ZNF618: variants seen among roughly 807,000 people sequenced by gnomAD.
The protein encoded by ZNF618 is neural precursor cell expressed, developmentally down-regulated 10.
Under a neutral mutation model 103.0 loss-of-function variants are expected in ZNF618, and 34 were observed. That is an observed-to-expected ratio of 0.33 (90% CI 0.25 to 0.44). The LOEUF (loss-of-function observed/expected upper bound fraction) is 0.44, where lower values mean the gene tolerates loss of function less well. ZNF618 is among the 20% of genes least tolerant of loss of function. ZNF618 has a pLI of 1.00. For synonymous variants in ZNF618, 551 were observed against 542.2 expected (o/e 1.02, Z -0.23); for missense variants, 1,059 against 1,295.4 (o/e 0.82, Z 2.80).
intron 13 of ZNF618, 99 bp from the exon 14 acceptor site, chr9:114,047,794 C>A (rs1459656773): frequency 5.0e-6 from 5 of 1,003,686 alleles, no homozygotes; most frequent in Non-Finnish European, 6.0e-6. Context: ...GTCCCAATGG[C>A]CACATTCTGC....
intron 1 of ZNF618, among the ~76,000 whole-genome samples, chr9:113,935,808 T>C (rs1177742582): frequency 6.6e-6 from 1 of 152,188 alleles, no homozygotes; most frequent in African/African-American, 2.4e-5. Flanking sequence ...GCGAAAGTTT[T>C]GAGTGGATCA....
intron 1 of ZNF618, among the ~76,000 whole-genome samples, chr9:113,968,184 A>G (rs1837599244): frequency 6.6e-6 from 1 of 152,182 alleles, no homozygotes; most frequent in Admixed American, 6.5e-5. Context: ...CGTTTATCCT[A>G]TGTAGGGTTA....
At chr9:113,877,651 G>T (rs1316569408) in intron 1 of ZNF618, among the ~76,000 whole-genome samples, 1 of 151,244 alleles carries the variant, frequency 6.6e-6, no homozygotes, top group East Asian at 1.9e-4. Flanking sequence ...GTTGGGTTTT[G>T]TGTGTGTGTG....
chr9:114,041,211 G>T (rs1845149456), intron 13 of ZNF618, among the ~76,000 whole-genome samples: 2 of 150,540 alleles, frequency 1.3e-5, no homozygotes, highest in South Asian at 4.2e-4. Context: ...TGAGTTCTTT[G>T]TAGATTCTGG....
chr9:113,969,079 G>A, intron 1 of ZNF618, 38 bp from the exon 2 acceptor site: 1 of 1,613,522 alleles, frequency 6.2e-7, no homozygotes, highest in Non-Finnish European at 8.5e-7. Context: ...TGCATCTTCT[G>A]CCTTGGCTGA....
chr9:114,006,760 G>A (rs968809135), intron 6 of ZNF618, among the ~76,000 whole-genome samples: 1 of 152,144 alleles, frequency 6.6e-6, no homozygotes, highest in African/African-American at 2.4e-5. Flanking sequence ...GCTCAACTGG[G>A]GAAAGAACTG....
In ZNF618 at chr9:113,951,562, T is replaced by C. The variant is rs1425459438; in HGVS notation, c.34-17555T>C. Among the ~76,000 whole-genome samples, 4 of 43,628 alleles carry C rather than the reference T, an allele frequency of 9.2e-5. 1 individual carries two copies. The highest frequency in any genetic ancestry group is 2.2e-4 in the Non-Finnish European group (4 of 18,450). 28.6% of individuals were successfully genotyped at this position (43,628 alleles called of 152,430 possible). ...ACATATGTACACATATGTGTGTGTATATGTGTGTGTGTATATGTGTGTGTG... is the reference window on the plus strand; with the variant it reads ...ACATATGTACACATATGTGTGTGTACATGTGTGTGTGTATATGTGTGTGTG... On this transcript the variant is annotated intron_variant, in intron 1 of 14. Transcript: ENST00000374126.
Position 114,009,671 on chromosome 9 carries a change from T to C in ZNF618, c.754+1117T>C, listed in dbSNP as rs183734082. ...GGTCTCTGCTTCCTTCCAATAAGGATCTAAGGCAGCTTGTAAAAATATACA... is the reference window on the plus strand; with the variant it reads ...GGTCTCTGCTTCCTTCCAATAAGGACCTAAGGCAGCTTGTAAAAATATACA... On this transcript the variant is annotated intron_variant, in intron 9 of 14. Transcript: ENST00000374126. Among the ~76,000 whole-genome samples the C allele has an allele frequency of 3.5e-3, 525 of 152,150 alleles. 2 individuals are homozygous for C. The highest frequency in any genetic ancestry group is 8.9e-3 in the South Asian group (43 of 4,812).
At chr9:113,975,710 G>T (rs1838406155) in intron 2 of ZNF618, among the ~76,000 whole-genome samples, 1 of 152,138 alleles carries the variant, frequency 6.6e-6, no homozygotes, top group Non-Finnish European at 1.5e-5. Context: ...AGATACTTCT[G>T]GCCCTGAGTG....
chr9:113,879,834 G>A lies in ZNF618; in HGVS notation c.33+3421G>A, dbSNP rs1195375884. Among the ~76,000 whole-genome samples the A allele has an allele frequency of 2.7e-5, 4 of 150,486 alleles. No individual in the cohort carries two copies. In the East Asian group the frequency reaches 7.8e-4, roughly 29 times the overall value. On this transcript the variant is annotated intron_variant, in intron 1 of 14. Coordinates refer to ENST00000374126, the MANE Select transcript of ZNF618 (RefSeq NM_001318042.2). ...ACAAGGTTTGAAATTTCAAGGGCCT[G>A]CTTTATAGTTTGACTTTGGAGCAAG...
intron 1 of ZNF618, among the ~76,000 whole-genome samples, chr9:113,937,178 C>T (rs753322923): frequency 1.4e-4 from 22 of 152,146 alleles, no homozygotes; most frequent in Non-Finnish European, 2.6e-4. Flanking sequence ...TAAGAATACC[C>T]ACCTGCCCTT....
chr9:113,957,361 A>G (rs4979307), intron 1 of ZNF618, among the ~76,000 whole-genome samples: 88,779 of 151,940 alleles, frequency 0.58, 26,199 homozygotes, highest in East Asian at 0.68. Context: ...GACAGGATGT[A>G]TCGAGCTACT....
chr9:113,920,663 A>G lies in ZNF618; in HGVS notation c.33+44250A>G, dbSNP rs1273179546. 7.2e-5 allele frequency among the ~76,000 whole-genome samples: 11 copies of G among 152,048 alleles called. No individual in the cohort carries two copies. The East Asian group carries it at 2.1e-3, about 29-fold the overall frequency. ...CTGATCTGCCTGCCTTGGCCTCCCA[A>G]AGTGTTGAGATTACAGGCATGAGCC... On this transcript the variant is annotated intron_variant, in intron 1 of 14. Transcript: ENST00000374126.
intron 13 of ZNF618, among the ~76,000 whole-genome samples, chr9:114,039,984 T>C (rs1388826353): frequency 6.6e-6 from 1 of 151,020 alleles, no homozygotes; most frequent in Non-Finnish European, 1.5e-5. Context: ...GGAAACCTTA[T>C]TTTCATCTCA....
intron 10 of ZNF618, among the ~76,000 whole-genome samples, chr9:114,023,164 T>C (rs932019737): frequency 6.6e-6 from 1 of 152,074 alleles, no homozygotes; most frequent in Non-Finnish European, 1.5e-5. Flanking sequence ...GTTTACTATC[T>C]TGCATTTTTT....
At chr9:113,992,611 C>CCGGGCTCAGAGA (rs1840182333) in intron 3 of ZNF618, among the ~76,000 whole-genome samples, 1 of 152,110 alleles carries the variant, frequency 6.6e-6, no homozygotes. Flanking sequence ...CAGCCTCGCT[C>CCGGGCTCAGAGA]CGGGCTCAGA....
chr9:113,992,996 G>C (rs1840219548), intron 3 of ZNF618, among the ~76,000 whole-genome samples: 1 of 152,208 alleles, frequency 6.6e-6, no homozygotes, highest in African/African-American at 2.4e-5. Context: ...AAGACCAAGA[G>C]CTTCCTTTTA....
chr9:113,941,970 C>T (rs1230123119), intron 1 of ZNF618, among the ~76,000 whole-genome samples: 1 of 152,228 alleles, frequency 6.6e-6, no homozygotes, highest in African/African-American at 2.4e-5. Context: ...ACTCACTTTC[C>T]TCCTCTGGAA....
chr9:113,980,507 C>T (rs754193366), intron 2 of ZNF618, among the ~76,000 whole-genome samples: 1 of 152,014 alleles, frequency 6.6e-6, no homozygotes, highest in Non-Finnish European at 1.5e-5. Context: ...ACCGCTTGAG[C>T]CCAGGAGTTC....
Sources: gnomAD v4.1 joint callset for allele counts (sites outside exome capture counted in the v4.1 genomes callset) on GRCh38, gnomAD v4.1.1 for gene constraint, MANE v1.5 for transcripts, NCBI Gene and HGNC (gene_info 2026-07-23, HGNC 2026-07-21) for gene names.